Variants in PTPRD observed in about 807,000 individuals in gnomAD.
The protein encoded by PTPRD is receptor-type tyrosine-protein phosphatase delta.
PTPRD carries 34 observed loss-of-function variants against 214.5 expected under a neutral mutation model. The ratio of observed to expected loss-of-function variants is 0.16; its 90% CI spans 0.12 to 0.21. PTPRD has a LOEUF of 0.21. Among genes scored for constraint, PTPRD ranks in the 10% least tolerant of loss-of-function variants. The pLI, the probability that PTPRD is intolerant of heterozygous loss-of-function variation, is 1.00. For synonymous variants in PTPRD, 1,128 were observed against 845.7 expected (o/e 1.33, Z -5.79); for missense variants, 2,545 against 2,398.7 (o/e 1.06, Z -1.27).
intron 4 of PTPRD, among the ~76,000 whole-genome samples, chr9:9,998,352 C>G (rs1444282219): frequency 6.6e-6 from 1 of 151,076 alleles, no homozygotes; most frequent in African/African-American, 2.4e-5. Context: ...GCACAGGAGC[C>G]CCAGGTGATT....
In PTPRD at chr9:8,513,495, T is replaced by C. The variant is rs1200909755; in HGVS notation, c.1543+4353A>G. Among the ~76,000 whole-genome samples the C allele has an allele frequency of 2.6e-5, 4 of 152,186 alleles. No homozygotes were observed. The South Asian group carries it at 6.2e-4, about 24-fold the overall frequency. ...CAGAATGAAAGATAATAAAATTAAA[T>C]GAGTACCTTTTAGACACAGAAGACA... On this transcript the variant is annotated intron_variant, in intron 21 of 45. Coordinates refer to ENST00000381196, the MANE Select transcript of PTPRD (RefSeq NM_002839.4).
rs781670399 is a variant in PTPRD at position 9,849,067 on chromosome 9, CCT to C, written c.-367-82218_-367-82217del. Among the ~76,000 whole-genome samples, 4 of 150,982 alleles carry C rather than the reference CCT, an allele frequency of 2.6e-5. No homozygotes were observed. In the East Asian group the frequency reaches 7.8e-4, roughly 30 times the overall value. The stretch of plus-strand genomic sequence containing the variant: ...TGGTCACTTAAATACATAGACACAC[CCT>C]GTTTTACCCTATGTTTTTAAATACA... On this transcript the variant is annotated intron_variant, in intron 5 of 45. Transcript: ENST00000381196.
chr9:8,769,331 A>G (rs1452286358), intron 11 of PTPRD, among the ~76,000 whole-genome samples: 1 of 152,220 alleles, frequency 6.6e-6, no homozygotes, highest in Non-Finnish European at 1.5e-5. Context: ...ACTAGTACTG[A>G]GAACTAAATG....
intron 2 of PTPRD, among the ~76,000 whole-genome samples, chr9:10,529,018 G>A (rs1328954421): frequency 6.6e-6 from 1 of 152,092 alleles, no homozygotes; most frequent in Admixed American, 6.6e-5. Context: ...GTTTAGTGAA[G>A]CTCCTAGTTT....
rs1471025155 is a variant in PTPRD, at chr9:8,467,420, C to A, written c.3505-1745G>T. Among the ~76,000 whole-genome samples, 7 of 151,904 alleles carry A rather than the reference C, an allele frequency of 4.6e-5. No homozygotes were observed. The East Asian group carries it at 1.4e-3, about 29-fold the overall frequency. ...TATTAAGCAATTACTGAGTGCCAGACACTGTTCTAGGGATCCTAAACATGC... is the reference window on the plus strand; with the variant it reads ...TATTAAGCAATTACTGAGTGCCAGAAACTGTTCTAGGGATCCTAAACATGC... On this transcript the variant is annotated intron_variant, in intron 31 of 45. Transcript: ENST00000381196.
intron 9 of PTPRD, among the ~76,000 whole-genome samples, chr9:9,235,932 T>A (rs2099966388): frequency 6.6e-6 from 1 of 152,110 alleles, no homozygotes; most frequent in Non-Finnish European, 1.5e-5. Flanking sequence ...AACTTATTAG[T>A]CTGAGTCAAT....
At position 9,602,836 on chromosome 9, in the gene PTPRD, T is replaced by C. The variant is rs138040697; in HGVS notation, c.-286-28055A>G. 4.0e-3 allele frequency among the ~76,000 whole-genome samples: 605 copies of C among 152,294 alleles called. 1 individual carries two copies. The highest frequency in any genetic ancestry group is 0.014 in the African/African-American group (571 of 41,586). On this transcript the variant is annotated intron_variant, in intron 7 of 45. Coordinates refer to ENST00000381196, the MANE Select transcript of PTPRD (RefSeq NM_002839.4). ...ACGATGCCAGTCATAACTGGTTTAT[T>C]ATCTATTCCCTCAAGCTATGTCTAT...
chr9:9,423,611 C>T (rs976724883), intron 8 of PTPRD, among the ~76,000 whole-genome samples: 9 of 152,028 alleles, frequency 5.9e-5, no homozygotes, highest in African/African-American at 9.7e-5. Context: ...TTTCCAGATA[C>T]GCACTGAAAG....
intron 8 of PTPRD, among the ~76,000 whole-genome samples, chr9:9,399,564 C>A (rs2069333661): frequency 6.6e-6 from 1 of 152,010 alleles, no homozygotes; most frequent in South Asian, 2.1e-4. Context: ...TGTGACCCTA[C>A]CTAAAATTCA....
intron 3 of PTPRD, among the ~76,000 whole-genome samples, chr9:10,176,349 T>C (rs1437895296): frequency 6.6e-6 from 1 of 151,846 alleles, no homozygotes; most frequent in Non-Finnish European, 1.5e-5. Flanking sequence ...GCTAGGCATT[T>C]TAAAAACAGA....
chr9:10,086,324 G>C (rs17618445), intron 3 of PTPRD, among the ~76,000 whole-genome samples: 32,803 of 151,544 alleles, frequency 0.22, 3,733 homozygotes, highest in South Asian at 0.34. Flanking sequence ...TTTCCTTACA[G>C]TGCCGTAAAA....
chr9:9,510,791 G>T (rs2096685408), intron 8 of PTPRD, among the ~76,000 whole-genome samples: 2 of 151,200 alleles, frequency 1.3e-5, no homozygotes, highest in Non-Finnish European at 3.0e-5. Flanking sequence ...ATAAAATAGT[G>T]GCAAAACATA....
chr9:9,860,682 T>C (rs906908039), intron 5 of PTPRD, among the ~76,000 whole-genome samples: 14 of 152,222 alleles, frequency 9.2e-5, no homozygotes, highest in African/African-American at 3.4e-4. Context: ...TATGTCAATG[T>C]CACTTAGACT....
rs2134139915 is a variant in PTPRD, at chr9:8,460,443, G to A, written c.3843C>T (p.Ile1281=). The change falls in exon 33 of 46, where the codon ATC becomes ATT. Residue 1281 remains isoleucine, a synonymous_variant. Transcript: ENST00000381196. ...VGPVLAVVFI[I]CIVIAILLYK... is the part of the protein sequence containing the mutation. ...AAAGAAGAATAGCAATGACAATGCA[G>A]ATGATAAAGACCACTGCAAGGACAG... 6.2e-7 allele frequency: 1 copy of A among 1,613,222 alleles called. No homozygotes were observed. The highest frequency in any genetic ancestry group is 1.1e-5 in the South Asian group (1 of 90,972).
At chr9:9,927,966 T>C (rs12350994) in intron 5 of PTPRD, among the ~76,000 whole-genome samples, 20,511 of 146,914 alleles carry the variant, frequency 0.14, 2,645 homozygotes, top group African/African-American at 0.35. Context: ...GTTGTTTGGG[T>C]ACAACTAACA....
intron 8 of PTPRD, among the ~76,000 whole-genome samples, chr9:9,571,953 C>A (rs780241316): frequency 6.6e-6 from 1 of 150,494 alleles, no homozygotes; most frequent in East Asian, 1.9e-4. Flanking sequence ...AAAGTTTAAA[C>A]GATATTATGG....
At chr9:10,146,745 G>GT (rs1338761857) in intron 3 of PTPRD, among the ~76,000 whole-genome samples, 1 of 151,848 alleles carries the variant, frequency 6.6e-6, no homozygotes, top group Admixed American at 6.6e-5. Context: ...TGTTTGTTTT[G>GT]TTTTTTCCAG....
chr9:8,391,130 G>A (rs573820726), intron 36 of PTPRD, among the ~76,000 whole-genome samples: 4 of 150,864 alleles, frequency 2.7e-5, no homozygotes, highest in South Asian at 4.2e-4. Context: ...TTGGAATTAC[G>A]GGGTAACCAT....
intron 9 of PTPRD, among the ~76,000 whole-genome samples, chr9:9,209,678 A>G (rs1414111014): frequency 6.6e-6 from 1 of 152,172 alleles, no homozygotes; most frequent in African/African-American, 2.4e-5. Flanking sequence ...TGAGTTGATT[A>G]TTGTTGAAGT....
Sources: allele counts gnomAD v4.1 joint callset (sites outside exome capture counted in the v4.1 genomes callset), GRCh38; gene constraint gnomAD v4.1.1; transcripts MANE v1.5; gene names NCBI Gene and HGNC (gene_info 2026-07-23, HGNC 2026-07-21).